Variants in SLC9A9 observed in about 807,000 individuals in gnomAD.
SLC9A9 encodes the protein sodium/hydrogen exchanger 9.
In SLC9A9, 62 loss-of-function variants were observed where a neutral mutation model predicts 77.8. The observed-to-expected ratio is 0.80, with a 90% CI of 0.65 to 0.98. SLC9A9 has a LOEUF of 0.98. Among genes scored for constraint, SLC9A9 ranks in the 50% least tolerant of loss-of-function variants. The pLI, the probability that SLC9A9 is intolerant of heterozygous loss-of-function variation, is 0.00. For missense variants in SLC9A9, 775 were observed against 774.9 expected (o/e 1.00, Z 0.00); for synonymous variants, 320 against 283.5 (o/e 1.13, Z -1.29).
rs189138674 is a variant in SLC9A9, at chr3:143,845,057, A to T, written c.175+3091T>A. On this transcript the variant is annotated intron_variant, in intron 1 of 15. Transcript: ENST00000316549. Reference sequence around the variant, plus strand: ...ATCCTGAAAGCTTAACCATATGAGGATGCATCTAGATCCCACAGACACATC... The same window carrying T: ...ATCCTGAAAGCTTAACCATATGAGGTTGCATCTAGATCCCACAGACACATC... Among the ~76,000 whole-genome samples the T allele has an allele frequency of 6.6e-5, 10 of 152,172 alleles. No individual in the cohort carries two copies. The East Asian group carries it at 1.9e-3, about 29-fold the overall frequency.
chr3:143,290,765 T>C (rs897988714), intron 14 of SLC9A9, among the ~76,000 whole-genome samples: 1 of 152,242 alleles, frequency 6.6e-6, no homozygotes, highest in African/African-American at 2.4e-5. Context: ...TCTTTCATTA[T>C]TGCTGAGACC....
chr3:143,622,802 T>A (rs1199062821), intron 6 of SLC9A9, among the ~76,000 whole-genome samples: 1 of 152,140 alleles, frequency 6.6e-6, no homozygotes, highest in Admixed American at 6.5e-5. Flanking sequence ...AATGCTCCAA[T>A]TTAAAGACAC....
intron 9 of SLC9A9, among the ~76,000 whole-genome samples, chr3:143,511,119 A>T (rs1451921634): frequency 6.6e-6 from 1 of 152,186 alleles, no homozygotes; most frequent in Admixed American, 6.5e-5. Flanking sequence ...ACTTTCATCA[A>T]GTTGTTTGGC....
At chr3:143,386,916 C>G (rs2033439622) in intron 12 of SLC9A9, among the ~76,000 whole-genome samples, 1 of 152,226 alleles carries the variant, frequency 6.6e-6, no homozygotes, top group Admixed American at 6.5e-5. Flanking sequence ...TCTTGGTTCA[C>G]TGCAACCTCC....
At chr3:143,329,597 C>G (rs1316495409) in intron 14 of SLC9A9, among the ~76,000 whole-genome samples, 2 of 152,202 alleles carry the variant, frequency 1.3e-5, no homozygotes, top group African/African-American at 4.8e-5. Context: ...GCGTGCTGCT[C>G]CTCATGGGCA....
chr3:143,636,910 C>T (rs189572975), intron 6 of SLC9A9, among the ~76,000 whole-genome samples: 7 of 152,196 alleles, frequency 4.6e-5, no homozygotes, highest in African/African-American at 1.2e-4. Flanking sequence ...AGCCCCCACC[C>T]CAAGATCACA....
intron 12 of SLC9A9, among the ~76,000 whole-genome samples, chr3:143,442,646 C>A (rs141111973): frequency 6.6e-6 from 1 of 152,170 alleles, no homozygotes; most frequent in Non-Finnish European, 1.5e-5. Context: ...TGCTTGAACC[C>A]GGGAGGCAGA....
chr3:143,796,128 G>A (rs931184716), intron 3 of SLC9A9, among the ~76,000 whole-genome samples: 6 of 152,156 alleles, frequency 3.9e-5, no homozygotes, highest in East Asian at 1.9e-4. Flanking sequence ...GTGGCTCAGG[G>A]GATGCCAGTA....
intron 14 of SLC9A9, among the ~76,000 whole-genome samples, chr3:143,342,678 TA>T (rs1490693584): frequency 6.6e-6 from 1 of 152,296 alleles, no homozygotes; most frequent in Non-Finnish European, 1.5e-5. Flanking sequence ...GCAATGCTTG[TA>T]GACACAAACC....
chr3:143,354,766 TTC>T (rs1448155272), intron 14 of SLC9A9, among the ~76,000 whole-genome samples: 3 of 152,272 alleles, frequency 2.0e-5, no homozygotes, highest in African/African-American at 7.2e-5. Context: ...CATCTTTTCT[TTC>T]TCTTTCTCTT....
intron 7 of SLC9A9, among the ~76,000 whole-genome samples, chr3:143,575,716 G>T (rs2037346346): frequency 1.3e-5 from 2 of 152,128 alleles, no homozygotes; most frequent in African/African-American, 4.8e-5. Context: ...TTCAGGGCAG[G>T]TGAGTAACAA....
At chr3:143,302,041 T>C (rs1158605595) in intron 14 of SLC9A9, among the ~76,000 whole-genome samples, 1 of 151,980 alleles carries the variant, frequency 6.6e-6, no homozygotes. Context: ...GGGAGAGAGG[T>C]GTTGCTAGCT....
intron 6 of SLC9A9, among the ~76,000 whole-genome samples, chr3:143,617,825 A>G (rs1391672547): frequency 6.6e-6 from 1 of 152,222 alleles, no homozygotes; most frequent in Non-Finnish European, 1.5e-5. Context: ...TAGTGATTCA[A>G]TGAAGGGCTA....
At chr3:143,668,593 TTGA>T (rs1243229548) in intron 5 of SLC9A9, among the ~76,000 whole-genome samples, 2 of 152,224 alleles carry the variant, frequency 1.3e-5, no homozygotes, top group Non-Finnish European at 2.9e-5. Context: ...GGCTAAAAAG[TTGA>T]TTATCACTGG....
Position 143,266,391 on chromosome 3 carries a change from G to A in SLC9A9, c.*311C>T. Reference sequence around the variant, plus strand: ...GGAGAGCCGCATTCGCAGCAGAAATGCCCTGAAGACCCAGCACAGCTGTCC... The same window carrying A: ...GGAGAGCCGCATTCGCAGCAGAAATACCCTGAAGACCCAGCACAGCTGTCC... On this transcript the variant is annotated 3_prime_UTR_variant, in exon 16 of 16. Transcript: ENST00000316549. The A allele has an allele frequency of 1.8e-6, 1 of 548,560 alleles. No individual in the cohort carries two copies. The highest frequency in any genetic ancestry group is 3.3e-6 in the Non-Finnish European group (1 of 306,822). The allele number at this position is 548,560 out of a possible 1,614,324, so 34.0% of individuals were successfully genotyped here.
chr3:143,695,713 G>A (rs1933617855), intron 4 of SLC9A9, among the ~76,000 whole-genome samples: 1 of 152,052 alleles, frequency 6.6e-6, no homozygotes, highest in African/African-American at 2.4e-5. Flanking sequence ...GGGATTGCTG[G>A]GTCAAATGGT....
intron 4 of SLC9A9, among the ~76,000 whole-genome samples, chr3:143,702,113 A>T (rs910714520): frequency 6.6e-6 from 1 of 152,200 alleles, no homozygotes; most frequent in African/African-American, 2.4e-5. Flanking sequence ...TCTCAGACAA[A>T]CAAAAGCTGA....
At chr3:143,843,049 T>C (rs1414158040) in intron 1 of SLC9A9, among the ~76,000 whole-genome samples, 3 of 151,506 alleles carry the variant, frequency 2.0e-5, no homozygotes, top group East Asian at 3.9e-4. Context: ...ATCTAGCTAC[T>C]GAAAAAAAAA....
intron 2 of SLC9A9, among the ~76,000 whole-genome samples, chr3:143,797,474 T>C (rs1454908540): frequency 1.3e-5 from 2 of 152,214 alleles, no homozygotes; most frequent in South Asian, 2.1e-4. Flanking sequence ...AGCTAAGCCA[T>C]CATATCCCCT....
Sources: allele counts gnomAD v4.1 joint callset (sites outside exome capture counted in the v4.1 genomes callset), GRCh38; gene constraint gnomAD v4.1.1; transcripts MANE v1.5; gene names NCBI Gene and HGNC (gene_info 2026-07-23, HGNC 2026-07-21).